The following MYOM2 variants were observed in gnomAD, a reference collection of about 807,000 sequenced individuals.
The protein encoded by MYOM2 is myomesin-2.
Under a neutral mutation model 187.6 loss-of-function variants are expected in MYOM2, and 254 were observed. The ratio of observed to expected loss-of-function variants is 1.35; its 90% CI spans 1.22 to 1.50. The LOEUF (loss-of-function observed/expected upper bound fraction) is 1.50. Ranked by LOEUF, MYOM2 falls within the 40% of genes most tolerant of loss-of-function variation. MYOM2 has a pLI of 0.00. For synonymous variants in MYOM2, 981 were observed against 753.8 expected (o/e 1.30, Z -4.94); for missense variants, 2,796 against 1,924.0 (o/e 1.45, Z -8.48).
chr8:2,057,618 G>T lies in MYOM2; in HGVS notation c.403-5G>T. 6.2e-7 allele frequency: 1 copy of T among 1,613,986 alleles called. No homozygotes were observed. The highest frequency in any genetic ancestry group is 1.1e-5 in the South Asian group (1 of 91,034). ...GAACCTGACCATCCTTGCTTCTCGG[G>T]GCAGATGGAGGACAAGCTGGCCTGG... On this transcript the variant is annotated splice_polypyrimidine_tract_variant and splice_region_variant and intron_variant, in intron 4 of 36. Coordinates refer to ENST00000262113, the MANE Select transcript of MYOM2 (RefSeq NM_003970.4).
At chr8:2,138,988 CACACACT>C in intron 32 of MYOM2, among the ~76,000 whole-genome samples, 1 of 139,034 alleles carries the variant, frequency 7.2e-6, no homozygotes, top group Non-Finnish European at 1.5e-5. Context: ...AGAGACCCGA[CACACACT>C]GCCAGCACCA....
intron 3 of MYOM2, among the ~76,000 whole-genome samples, chr8:2,056,599 C>T (rs1818673651): frequency 6.6e-6 from 1 of 152,112 alleles, no homozygotes; most frequent in Non-Finnish European, 1.5e-5. Context: ...TCAGACATTC[C>T]TATCTGTATA....
chr8:2,066,173 C>A (rs975574310), intron 6 of MYOM2, among the ~76,000 whole-genome samples: 1 of 152,208 alleles, frequency 6.6e-6, no homozygotes, highest in Non-Finnish European at 1.5e-5. Context: ...CCCGTGAGTC[C>A]TGCCCTGGTC....
chr8:2,068,131 C>T (rs917085386), intron 6 of MYOM2, among the ~76,000 whole-genome samples: 1 of 152,156 alleles, frequency 6.6e-6, no homozygotes, highest in Non-Finnish European at 1.5e-5. Context: ...CTCGTGTGCG[C>T]CAGGCAGAGA....
chr8:2,107,912 T>C (rs1796947406), intron 23 of MYOM2, among the ~76,000 whole-genome samples: 1 of 152,194 alleles, frequency 6.6e-6, no homozygotes, highest in Non-Finnish European at 1.5e-5. Flanking sequence ...AATTCCACCT[T>C]CTCTTATATT....
rs1460299016 is a variant in MYOM2 at position 2,096,305 on chromosome 8, C to T, written c.2184C>T (p.Thr728=). The part of the protein sequence containing the change: ...TLLNCDGHSM[T]LGWKVPKFSG... ...TCAACTGTGACGGCCACTCCATGACCCTCGGCTGGAAGGTCCCGAAATTCA... is the reference window on the plus strand; with the variant it reads ...TCAACTGTGACGGCCACTCCATGACTCTCGGCTGGAAGGTCCCGAAATTCA... Residue 728 remains threonine, a synonymous_variant, in exon 18 of 37, where the codon ACC becomes ACT. Coordinates refer to ENST00000262113, the MANE Select transcript of MYOM2 (RefSeq NM_003970.4). The T allele has an allele frequency of 1.9e-6, 3 of 1,614,076 alleles. No homozygotes were observed. Among genetic ancestry groups the T allele is most frequent in the Non-Finnish European group, 2.5e-6 (3 of 1,180,048 alleles).
At chr8:2,071,152 T>C (rs1406371354) in intron 8 of MYOM2, among the ~76,000 whole-genome samples, 1 of 151,832 alleles carries the variant, frequency 6.6e-6, no homozygotes, top group Non-Finnish European at 1.5e-5. Context: ...TTTATTTTTT[T>C]ATTTTTATTT....
intron 19 of MYOM2, among the ~76,000 whole-genome samples, 197 bp downstream of exon 19, chr8:2,099,180 C>T (rs868737631): frequency 9.8e-5 from 15 of 152,336 alleles, no homozygotes; most frequent in Non-Finnish European, 1.9e-4. Context: ...TTGGGCTGTG[C>T]GTGGTCCAGA....
rs1819812720 is a variant in MYOM2 at position 2,085,517 on chromosome 8, C to CCCTCACTGTCGTGATCTCCGCGTGG, written c.1644+129_1644+130insTCACTGTCGTGATCTCCGCGTGGCC. 5 of 506,712 alleles carry CCCTCACTGTCGTGATCTCCGCGTGG rather than the reference C, an allele frequency of 9.9e-6. No individual in the cohort carries two copies. The East Asian group carries it at 1.9e-4, about 19-fold the overall frequency. The allele number at this position is 506,712 out of a possible 1,614,324, so 31.4% of individuals were successfully genotyped here. On this transcript the variant is annotated intron_variant, in intron 14 of 36. Coordinates refer to ENST00000262113, the MANE Select transcript of MYOM2 (RefSeq NM_003970.4). ...CTCACTGTTGTGATCTCCGCGTGGC[C>CCCTCACTGTCGTGATCTCCGCGTGG]CCCCACTGTTGTGATCTCTGCGTGG...
At chr8:2,122,749 T>C (rs893716173) in intron 28 of MYOM2, among the ~76,000 whole-genome samples, 1 of 152,204 alleles carries the variant, frequency 6.6e-6, no homozygotes, top group Non-Finnish European at 1.5e-5. Context: ...AGCGATTGAA[T>C]TGTGAGGAAT....
intron 23 of MYOM2, 47 bp from the exon 24 acceptor site, chr8:2,108,739 T>A: frequency 2.5e-6 from 4 of 1,602,950 alleles, no homozygotes; most frequent in Non-Finnish European, 3.4e-6. Context: ...TACAAACTTC[T>A]CTAGGTGCAG....
At chr8:2,080,434 T>G (rs1203005479) in intron 13 of MYOM2, among the ~76,000 whole-genome samples, 1 of 152,200 alleles carries the variant, frequency 6.6e-6, no homozygotes, top group Non-Finnish European at 1.5e-5. Flanking sequence ...CTCTAGGATC[T>G]CAAAACAAAT....
At chr8:2,100,493 C>A in intron 19 of MYOM2, 1 of 234,500 alleles carries the variant, frequency 4.3e-6, no homozygotes, top group Non-Finnish European at 8.5e-6. Context: ...GATGTGCTTC[C>A]GGCCAGGTAG....
chr8:2,082,977 A>G (rs1819680078), intron 13 of MYOM2, among the ~76,000 whole-genome samples: 1 of 152,164 alleles, frequency 6.6e-6, no homozygotes, highest in African/African-American at 2.4e-5. Flanking sequence ...CAGTTCAGCC[A>G]CCCAGTAGCT....
chr8:2,089,939 T>G, intron 14 of MYOM2, 69 bp from the exon 15 acceptor site: 1 of 1,478,552 alleles, frequency 6.8e-7, no homozygotes, highest in East Asian at 2.3e-5. Flanking sequence ...GAGCATTTCT[T>G]CCTCCTCCAC....
chr8:2,069,142 T>A, intron 6 of MYOM2, 136 bp from the exon 7 acceptor site: 1 of 779,576 alleles, frequency 1.3e-6, no homozygotes, highest in South Asian at 1.8e-5. Context: ...GAGCTGGCAT[T>A]GTTCTTGCAC....
Position 2,106,372 on chromosome 8 carries a change from G to A in MYOM2, c.2865G>A (p.Arg955=), listed in dbSNP as rs372202294. 1 of 1,614,040 alleles carries A rather than the reference G, an allele frequency of 6.2e-7. No homozygotes were observed. The highest frequency in any genetic ancestry group is 1.3e-5 in the African/African-American group (1 of 74,930). Residue 955 remains arginine, a synonymous_variant, in exon 22 of 37, where the codon AGG becomes AGA. Transcript: ENST00000262113. ...ACGAGGAGATTTCAGATGATGAGAGGTTTAAAATTGAAACCGTGGGGGATC... is the reference window on the plus strand; with the variant it reads ...ACGAGGAGATTTCAGATGATGAGAGATTTAAAATTGAAACCGTGGGGGATC... ...KSYEEISDDE[R]FKIETVGDHS... is the part of the protein sequence containing the mutation.
chr8:2,137,332 C>G (rs1798114987), intron 32 of MYOM2, among the ~76,000 whole-genome samples: 1 of 151,952 alleles, frequency 6.6e-6, no homozygotes, highest in Non-Finnish European at 1.5e-5. Flanking sequence ...ACGAACAGAG[C>G]ATTTCGTGCA....
At chr8:2,123,186 A>G (rs1446447566) in intron 28 of MYOM2, 66 bp from the exon 29 acceptor site, 3 of 1,101,622 alleles carry the variant, frequency 2.7e-6, no homozygotes, top group Admixed American at 4.4e-5. Context: ...TAAGATTCTA[A>G]TAGACTTTCT....
Sources: allele counts gnomAD v4.1 joint callset (sites outside exome capture counted in the v4.1 genomes callset), GRCh38; gene constraint gnomAD v4.1.1; transcripts MANE v1.5; gene names NCBI Gene and HGNC (gene_info 2026-07-23, HGNC 2026-07-21).